Variants in ZFPM2 observed in about 807,000 individuals in gnomAD.
The protein encoded by ZFPM2 is zinc finger protein, FOG family member 2, also known as zinc finger protein ZFPM2.
In ZFPM2, 20 loss-of-function variants were observed where a neutral mutation model predicts 98.6. The observed-to-expected ratio is 0.20, with a 90% CI of 0.14 to 0.29. The LOEUF (loss-of-function observed/expected upper bound fraction) is 0.29, where lower values mean the gene tolerates loss of function less well. ZFPM2 is among the 10% of genes least tolerant of loss of function. The pLI is 1.00. For missense variants in ZFPM2, 1,310 were observed against 1,388.6 expected, an observed-to-expected ratio of 0.94 and a Z score of 0.90; for synonymous variants, 518 against 502.7, an observed-to-expected ratio of 1.03 and a Z score of -0.41.
At chr8:105,712,421 C>T (rs1474358236) in intron 5 of ZFPM2, among the ~76,000 whole-genome samples, 3 of 151,928 alleles carry the variant, frequency 2.0e-5, no homozygotes, top group Non-Finnish European at 4.4e-5. Flanking sequence ...ATCAAATTAA[C>T]GTTGTGAGGT....
chr8:105,649,951 G>T (rs1278120131), intron 5 of ZFPM2, among the ~76,000 whole-genome samples: 1 of 152,210 alleles, frequency 6.6e-6, no homozygotes, highest in African/African-American at 2.4e-5. Flanking sequence ...GTTTCAGAAA[G>T]AATGGTACCA....
At chr8:105,324,988 T>G (rs1347609730) in intron 1 of ZFPM2, among the ~76,000 whole-genome samples, 1 of 151,920 alleles carries the variant, frequency 6.6e-6, no homozygotes, top group Non-Finnish European at 1.5e-5. Flanking sequence ...TGAGTGGATA[T>G]GTTAACTTTG....
chr8:105,695,459 A>T (rs1473809559), intron 5 of ZFPM2, among the ~76,000 whole-genome samples: 2 of 129,502 alleles, frequency 1.5e-5, no homozygotes, highest in East Asian at 5.0e-4. Flanking sequence ...TGTTTAACTG[A>T]TGGAGATCAA....
chr8:105,521,855 G>A (rs1437813694), intron 3 of ZFPM2, among the ~76,000 whole-genome samples: 1 of 152,156 alleles, frequency 6.6e-6, no homozygotes, highest in Non-Finnish European at 1.5e-5. Context: ...GGGATTACAG[G>A]CATAAGCCAT....
rs756417291 is a variant in ZFPM2, at chr8:105,587,194, A to G, written c.420+25713A>G. ...CGGGAGGCTGAGGCAGGAGAATGGC[A>G]TGAACCCGGGAGGCGGAGCTTGCAG... On this transcript the variant is annotated intron_variant, in intron 4 of 7. Transcript: ENST00000407775. Among the ~76,000 whole-genome samples the G allele has an allele frequency of 1.7e-3, 253 of 149,086 alleles. 4 individuals are homozygous for G. Among genetic ancestry groups the G allele is most frequent in the Non-Finnish European group, 5.7e-4 (38 of 67,216 alleles).
chr8:105,436,252 G>A (rs1812116735), intron 2 of ZFPM2, among the ~76,000 whole-genome samples: 1 of 152,092 alleles, frequency 6.6e-6, no homozygotes, highest in Non-Finnish European at 1.5e-5. Flanking sequence ...GGGCGCGGTG[G>A]CTCACACCTG....
At chr8:105,487,892 G>GTCTGTCTATCTA (rs1455288392) in intron 3 of ZFPM2, among the ~76,000 whole-genome samples, 4 of 103,344 alleles carry the variant, frequency 3.9e-5, no homozygotes, top group Non-Finnish European at 6.5e-5. Flanking sequence ...AAGTCTGTCT[G>GTCTGTCTATCTA]TCTATCTATC....
intron 4 of ZFPM2, among the ~76,000 whole-genome samples, chr8:105,604,667 C>T (rs1267594545): frequency 1.3e-5 from 2 of 152,066 alleles, no homozygotes; most frequent in Non-Finnish European, 2.9e-5. Flanking sequence ...TGCCCTCTGC[C>T]TCGAACATTT....
chr8:105,744,659 C>A (rs1812301986), intron 5 of ZFPM2, among the ~76,000 whole-genome samples: 1 of 358 alleles, frequency 2.8e-3, no homozygotes, highest in Non-Finnish European at 6.0e-3. Context: ...AAAAAAGCTT[C>A]CTTGAAGAGT....
intron 4 of ZFPM2, among the ~76,000 whole-genome samples, chr8:105,581,892 A>G (rs1251567560): frequency 6.6e-6 from 1 of 152,180 alleles, no homozygotes; most frequent in African/African-American, 2.4e-5. Context: ...CTGTGATACC[A>G]TCACATCGTT....
Position 105,798,734 on chromosome 8 carries a change from C to T in ZFPM2, c.750C>T (p.Phe250=), listed in dbSNP as rs1372039942. 1 of 1,613,274 alleles carries T rather than the reference C, an allele frequency of 6.2e-7. No homozygotes were observed. Among genetic ancestry groups the T allele is most frequent in the Non-Finnish European group, 8.5e-7 (1 of 1,179,622 alleles). ...TGTTTTTACCTGCAGAGGATATATT[C>T]CCTTGCAAGTCCTGTGGCATCTGGT... ...LPTAIVNKDI[F]PCKSCGIWYR... is the part of the protein sequence containing the mutation. The change falls in exon 7 of 8, where the codon TTC becomes TTT. Residue 250 remains phenylalanine, a synonymous_variant. Coordinates refer to ENST00000407775, the MANE Select transcript of ZFPM2 (RefSeq NM_012082.4).
intron 4 of ZFPM2, among the ~76,000 whole-genome samples, chr8:105,591,796 A>G (rs1469535144): frequency 6.6e-6 from 1 of 152,190 alleles, no homozygotes; most frequent in Non-Finnish European, 1.5e-5. Flanking sequence ...TCAGCACAAT[A>G]TTGATACTCT....
At chr8:105,679,629 CA>C (rs947539215) in intron 5 of ZFPM2, among the ~76,000 whole-genome samples, 1 of 150,604 alleles carries the variant, frequency 6.6e-6, no homozygotes, top group Non-Finnish European at 1.5e-5. Context: ...CTCCATCTCT[CA>C]AAAAAAACAA....
chr8:105,659,196 C>A (rs1323540376), intron 5 of ZFPM2, among the ~76,000 whole-genome samples: 11 of 151,738 alleles, frequency 7.2e-5, no homozygotes, highest in Non-Finnish European at 1.3e-4. Context: ...AGAAGCATTG[C>A]CAGAGAAATA....
chr8:105,424,671 A>T (rs192075264), intron 2 of ZFPM2, among the ~76,000 whole-genome samples: 1 of 152,258 alleles, frequency 6.6e-6, no homozygotes, highest in Non-Finnish European at 1.5e-5. Context: ...AATTAATACC[A>T]ATTGAAAGCA....
intron 4 of ZFPM2, among the ~76,000 whole-genome samples, chr8:105,619,368 A>C (rs1816485419): frequency 6.6e-6 from 1 of 152,046 alleles, no homozygotes; most frequent in African/African-American, 2.4e-5. Flanking sequence ...TGTCATTTAG[A>C]TATTTTTATT....
intron 5 of ZFPM2, among the ~76,000 whole-genome samples, chr8:105,682,620 AC>A (rs1810633860): frequency 6.6e-6 from 1 of 152,116 alleles, no homozygotes; most frequent in African/African-American, 2.4e-5. Context: ...GGGAGACAGG[AC>A]AGAAGAACGG....
chr8:105,593,451 G>C (rs1290447153), intron 4 of ZFPM2, among the ~76,000 whole-genome samples: 1 of 152,020 alleles, frequency 6.6e-6, no homozygotes, highest in Non-Finnish European at 1.5e-5. Context: ...AGGAAATTAT[G>C]CAGCAGTTAT....
At chr8:105,490,155 G>C (rs144043879) in intron 3 of ZFPM2, among the ~76,000 whole-genome samples, 2,217 of 152,150 alleles carry the variant, frequency 0.015, 61 homozygotes, top group African/African-American at 0.051. Flanking sequence ...GCTGAGGCAG[G>C]AGAATTGCTT....
Sources: gnomAD v4.1 joint callset for allele counts (sites outside exome capture counted in the v4.1 genomes callset) on GRCh38, gnomAD v4.1.1 for gene constraint, MANE v1.5 for transcripts, NCBI Gene and HGNC (gene_info 2026-07-23, HGNC 2026-07-21) for gene names.